Variants in DNAJC6 observed in about 807,000 individuals in gnomAD.
The protein encoded by DNAJC6 is auxilin.
DNAJC6 carries 34 observed loss-of-function variants against 110.0 expected under a neutral mutation model. The observed-to-expected ratio is 0.31, with a 90% CI of 0.24 to 0.41. DNAJC6 has a LOEUF of 0.41. Ranked by LOEUF, DNAJC6 falls within the 10% of genes least tolerant of loss-of-function variation. DNAJC6 has a pLI of 1.00. For missense variants in DNAJC6, 1,031 were observed against 1,207.8 expected (o/e 0.85, Z 2.17); for synonymous variants, 406 against 437.2 (o/e 0.93, Z 0.89).
chr1:65,357,806 C>A (rs964886744), intron 1 of DNAJC6, among the ~76,000 whole-genome samples: 1 of 152,166 alleles, frequency 6.6e-6, no homozygotes, highest in Admixed American at 6.5e-5. Context: ...GTCTCTACAG[C>A]TGTTGAGGAA....
intron 1 of DNAJC6, among the ~76,000 whole-genome samples, chr1:65,282,021 G>A (rs61779315): frequency 0.068 from 10,331 of 152,192 alleles, 452 homozygotes; most frequent in South Asian, 0.13. Flanking sequence ...TGACCTTCTG[G>A]GCTCAAGCTG....
intron 1 of DNAJC6, among the ~76,000 whole-genome samples, chr1:65,323,687 C>T (rs1019606686): frequency 1.2e-4 from 19 of 152,074 alleles, no homozygotes; most frequent in Non-Finnish European, 7.4e-5. Context: ...CCTTCACCTC[C>T]TGGGGTCAAG....
intron 15 of DNAJC6, among the ~76,000 whole-genome samples, chr1:65,404,950 T>C (rs1646061542): frequency 8.4e-6 from 1 of 119,668 alleles, no homozygotes; most frequent in Non-Finnish European, 1.9e-5. Context: ...TGAGCAGTAA[T>C]GTACATAAAC....
At chr1:65,340,806 G>A (rs1645382086) in intron 1 of DNAJC6, among the ~76,000 whole-genome samples, 1 of 152,160 alleles carries the variant, frequency 6.6e-6, no homozygotes, top group African/African-American at 2.4e-5. Context: ...GTGGCATAGG[G>A]CTGTGGCTGT....
At chr1:65,349,479 ACTC>A (rs1470548178) in intron 1 of DNAJC6, among the ~76,000 whole-genome samples, 2 of 151,892 alleles carry the variant, frequency 1.3e-5, no homozygotes, top group Non-Finnish European at 2.9e-5. Flanking sequence ...AGGCTGAAGA[ACTC>A]CTTTTAGCAT....
chr1:65,354,459 T>A (rs1645522987), intron 1 of DNAJC6, among the ~76,000 whole-genome samples: 1 of 152,170 alleles, frequency 6.6e-6, no homozygotes, highest in Non-Finnish European at 1.5e-5. Flanking sequence ...AGAGTACATG[T>A]TTAGTAGATG....
At chr1:65,401,620 G>T in intron 14 of DNAJC6, 141 bp from the exon 15 acceptor site, 1 of 1,183,098 alleles carries the variant, frequency 8.5e-7, no homozygotes, top group Non-Finnish European at 1.1e-6. Flanking sequence ...CAGGGAAACA[G>T]GGTCTAGCAA....
intron 2 of DNAJC6, among the ~76,000 whole-genome samples, chr1:65,365,375 A>G (rs1474407963): frequency 2.0e-5 from 3 of 152,204 alleles, no homozygotes; most frequent in African/African-American, 7.2e-5. Context: ...GAGTTACAAT[A>G]TGCAGTTCTT....
intron 1 of DNAJC6, among the ~76,000 whole-genome samples, chr1:65,350,033 A>G (rs571715733): frequency 1.3e-5 from 2 of 152,332 alleles, no homozygotes; most frequent in South Asian, 4.1e-4. Context: ...CCAATTTACA[A>G]TTCAATAGTG....
chr1:65,353,433 A>T (rs765610020), intron 1 of DNAJC6, among the ~76,000 whole-genome samples: 7 of 152,202 alleles, frequency 4.6e-5, no homozygotes, highest in Non-Finnish European at 8.8e-5. Flanking sequence ...AGCAATATCC[A>T]TGTAAAGTTT....
chr1:65,354,434 C>G (rs1254550365), intron 1 of DNAJC6, among the ~76,000 whole-genome samples: 1 of 152,184 alleles, frequency 6.6e-6, no homozygotes, highest in Non-Finnish European at 1.5e-5. Flanking sequence ...AACTGCTTAG[C>G]TGAGTGTCTA....
intron 14 of DNAJC6, 35 bp from the exon 15 acceptor site, chr1:65,401,726 C>T (rs778126025): frequency 6.3e-7 from 1 of 1,593,212 alleles, no homozygotes; most frequent in South Asian, 1.1e-5. Flanking sequence ...CCTCAAACAA[C>T]TAACTCATTT....
Position 65,325,827 on chromosome 1 carries a change from GC to G in DNAJC6, c.193+15891del, listed in dbSNP as rs1482696052. On this transcript the variant is annotated intron_variant, in intron 1 of 18. Transcript: ENST00000371069. The stretch of plus-strand genomic sequence containing the variant: ...CTATGCACTTAGGCTGTAGGCTATA[GC>G]CTATTGCTCCCAGGCTACAAGCCTG... 2.6e-5 allele frequency among the ~76,000 whole-genome samples: 4 copies of G among 152,322 alleles called. No homozygotes were observed. In the East Asian group the frequency reaches 7.7e-4, roughly 29 times the overall value.
chr1:65,379,629 T>G (rs963644681), intron 5 of DNAJC6, 105 bp downstream of exon 5: 52 of 1,448,082 alleles, frequency 3.6e-5, no homozygotes, highest in Non-Finnish European at 4.5e-5. Context: ...TAGGATTTAC[T>G]GAGCCCATAT....
chr1:65,366,672 G>A (rs1345334860), intron 4 of DNAJC6, among the ~76,000 whole-genome samples: 1 of 152,106 alleles, frequency 6.6e-6, no homozygotes, highest in African/African-American at 2.4e-5. Flanking sequence ...ACTAGAGAGA[G>A]AAATATTCCT....
chr1:65,365,709 G>T (rs1460958221), intron 2 of DNAJC6, among the ~76,000 whole-genome samples, 176 bp from the exon 3 acceptor site: 1 of 152,122 alleles, frequency 6.6e-6, no homozygotes, highest in African/African-American at 2.4e-5. Flanking sequence ...TACCCCTGAG[G>T]TCACGGGCTT....
chr1:65,308,176 A>AT (rs1645062123), upstream of DNAJC6, among the ~76,000 whole-genome samples: 1 of 152,162 alleles, frequency 6.6e-6, no homozygotes, highest in African/African-American at 2.4e-5. Context: ...CTATTGTTTG[A>AT]TTTTGTGTCC....
At chr1:65,292,333 G>GT (rs1020271408) in intron 1 of DNAJC6, among the ~76,000 whole-genome samples, 2,909 of 127,346 alleles carry the variant, frequency 0.023, 43 homozygotes, top group African/African-American at 0.046. Flanking sequence ...TTTTTTTTTT[G>GT]TTTTTTTTTT....
intron 4 of DNAJC6, among the ~76,000 whole-genome samples, chr1:65,372,601 G>C (rs551104981): frequency 5.1e-4 from 78 of 152,220 alleles, no homozygotes; most frequent in Non-Finnish European, 1.0e-3. Flanking sequence ...CAACAATCTT[G>C]TAATGCTCAT....
Sources: allele counts gnomAD v4.1 joint callset (sites outside exome capture counted in the v4.1 genomes callset), GRCh38; gene constraint gnomAD v4.1.1; transcripts MANE v1.5; gene names NCBI Gene and HGNC (gene_info 2026-07-23, HGNC 2026-07-21).